CNTNAP3: variants seen among roughly 807,000 people sequenced by gnomAD.
CNTNAP3 encodes the protein contactin-associated protein-like 3.
In CNTNAP3, 36 loss-of-function variants were observed where a neutral mutation model predicts 92.1. The ratio of observed to expected loss-of-function variants is 0.39; its 90% confidence interval spans 0.30 to 0.52. CNTNAP3 has a LOEUF of 0.52. CNTNAP3 is among the 20% of genes least tolerant of loss of function. The probability of loss-of-function intolerance (pLI) is 0.76; values close to 1 mark genes in which losing one functional copy is unlikely to be tolerated. For missense variants in CNTNAP3, 534 were observed against 1,069.6 expected (o/e 0.50, Z 6.98); for synonymous variants, 232 against 422.3 (o/e 0.55, Z 5.53).
At chr9:39,083,612 T>C (rs1229175009) in intron 21 of CNTNAP3, among the ~76,000 whole-genome samples, 1 of 146,150 alleles carries the variant, frequency 6.8e-6, no homozygotes, top group African/African-American at 2.5e-5. Context: ...TGAGCCGAGA[T>C]TGCGCCACTG....
At chr9:39,139,639 CAG>C (rs1821523249) in intron 12 of CNTNAP3, 1 of 152,032 alleles carries the variant, frequency 6.6e-6, no homozygotes, top group Non-Finnish European at 1.5e-5. Flanking sequence ...TTCCACTTTG[CAG>C]AGAGTTGGAA....
chr9:39,094,533 G>A lies in CNTNAP3; in HGVS notation c.2995+5378C>T, dbSNP rs1390005460. ...CTTTGATTCATTTTGAGTTAATTTTGGTAAGGGTCTAACTTCAATCTTTGC... is the reference window on the plus strand; with the variant it reads ...CTTTGATTCATTTTGAGTTAATTTTAGTAAGGGTCTAACTTCAATCTTTGC... On this transcript the variant is annotated intron_variant, in intron 18 of 23. Transcript: ENST00000297668. 3.3e-5 allele frequency among the ~76,000 whole-genome samples: 5 copies of A among 151,038 alleles called. No individual in the cohort carries two copies. In the East Asian group the frequency reaches 9.7e-4, roughly 29 times the overall value.
At position 39,127,187 on chromosome 9, in the gene CNTNAP3, G is replaced by A. The variant is rs1196683559; in HGVS notation, c.2080+5745C>T. Among the ~76,000 whole-genome samples the A allele has an allele frequency of 1.1e-4, 17 of 151,848 alleles. No individual in the cohort carries two copies. In the South Asian group the frequency reaches 3.1e-3, roughly 28 times the overall value. ...TACAGGTCAAAGAATATGCTTCAAA[G>A]AAATTTATTAAAATACTTAAATGAA... is the stretch of plus-strand genomic sequence containing the variant. On this transcript the variant is annotated intron_variant, in intron 13 of 23. Transcript: ENST00000297668.
chr9:39,078,667 C>A (rs200150430), intron 22 of CNTNAP3, 23 bp downstream of exon 22: 5 of 1,547,950 alleles, frequency 3.2e-6, no homozygotes, highest in Non-Finnish European at 4.4e-6. Context: ...GTTTCAGGTG[C>A]GCAGGGGTGG....
At chr9:39,124,654 CA>C (rs1227593461) in intron 13 of CNTNAP3, among the ~76,000 whole-genome samples, 4 of 151,982 alleles carry the variant, frequency 2.6e-5, no homozygotes, top group Admixed American at 1.3e-4. Context: ...AGAACTTAAA[CA>C]AATTTACAAG....
chr9:39,090,917 C>T (rs1452001666), intron 18 of CNTNAP3, among the ~76,000 whole-genome samples: 2 of 152,148 alleles, frequency 1.3e-5, no homozygotes, highest in Non-Finnish European at 2.9e-5. Flanking sequence ...AAATGTATTG[C>T]TATGTATGTT....
chr9:39,106,762 G>A (rs954605813), intron 15 of CNTNAP3, among the ~76,000 whole-genome samples: 2 of 152,098 alleles, frequency 1.3e-5, no homozygotes, highest in African/African-American at 4.8e-5. Flanking sequence ...CTAGAAACCA[G>A]TGTTTGATGT....
chr9:39,093,745 T>C (rs1442618108), intron 18 of CNTNAP3, among the ~76,000 whole-genome samples: 2 of 151,602 alleles, frequency 1.3e-5, no homozygotes, highest in Non-Finnish European at 3.0e-5. Context: ...ATGTATATAC[T>C]ACATTTTTTA....
intron 19 of CNTNAP3, among the ~76,000 whole-genome samples, chr9:39,087,256 G>A (rs1056961273): frequency 6.6e-6 from 1 of 152,142 alleles, no homozygotes; most frequent in East Asian, 1.9e-4. Context: ...TTCTAATAAG[G>A]CTCATTTTAA....
intron 23 of CNTNAP3, among the ~76,000 whole-genome samples, chr9:39,077,030 T>C (rs1825795019): frequency 6.6e-6 from 1 of 152,302 alleles, no homozygotes. Flanking sequence ...GCACCAGCTC[T>C]AAATAAATTA....
chr9:39,122,299 G>T (rs1471266777), intron 13 of CNTNAP3, among the ~76,000 whole-genome samples: 1 of 152,260 alleles, frequency 6.6e-6, no homozygotes, highest in Non-Finnish European at 1.5e-5. Flanking sequence ...AGCTTGCAGT[G>T]AGCTGAGATG....
chr9:39,132,994 G>C lies in CNTNAP3; in HGVS notation c.2018C>G (p.Ala673Gly). ...AGCCAGCCGCTGCTCGCAGCGCTCCGCCAGGTTCACCGCGGACCGCAGCTG... is the reference window on the plus strand; with the variant it reads ...AGCCAGCCGCTGCTCGCAGCGCTCCCCCAGGTTCACCGCGGACCGCAGCTG... ...AGQLRSAVNLAERCEQRLALR... is the reference protein window; with the variant it reads ...AGQLRSAVNLGERCEQRLALR... The change falls in exon 13 of 24, where the codon GCG becomes GGG. Residue 673 changes from alanine to glycine, a missense_variant. Physicochemically the swap from Ala to Gly is moderately conservative, Grantham distance 60 (BLOSUM62 0). Transcript: ENST00000297668. 6.5e-7 allele frequency: 1 copy of C among 1,540,378 alleles called. No homozygotes were observed. Among genetic ancestry groups the C allele is most frequent in the African/African-American group, 1.4e-5 (1 of 72,660 alleles).
chr9:39,106,676 G>T (rs1231871042), intron 15 of CNTNAP3: 1 of 152,140 alleles, frequency 6.6e-6, no homozygotes, highest in African/African-American at 2.4e-5. Flanking sequence ...AGCCACGTTT[G>T]GAGAGAAATG....
rs1338334809 is a variant in CNTNAP3 at position 39,067,225 on chromosome 9, T to C, written c.*6665A>G. On this transcript the variant is annotated 3_prime_UTR_variant, in exon 24 of 24. Transcript: ENST00000297668. The stretch of plus-strand genomic sequence containing the variant: ...AAAGCCTTTTCTTGTCACATCCTAA[T>C]CTTTGAAAATACGGAATATAGTCAT... 2.0e-5 allele frequency among the ~76,000 whole-genome samples: 3 copies of C among 152,296 alleles called. No homozygotes were observed. The South Asian group carries it at 6.2e-4, about 32-fold the overall frequency.
chr9:39,142,681 A>C (rs1469694747), intron 11 of CNTNAP3, among the ~76,000 whole-genome samples: 4 of 151,996 alleles, frequency 2.6e-5, no homozygotes, highest in Non-Finnish European at 5.9e-5. Context: ...CAAAAAAAAA[A>C]AAAAAAGAAA....
At chr9:39,140,948 T>C (rs1193749091) in intron 11 of CNTNAP3, among the ~76,000 whole-genome samples, 1 of 152,202 alleles carries the variant, frequency 6.6e-6, no homozygotes, top group Non-Finnish European at 1.5e-5. Flanking sequence ...ATTGTGTTGG[T>C]GTTCAAACAT....
intron 15 of CNTNAP3, among the ~76,000 whole-genome samples, chr9:39,108,610 C>T (rs572333700): frequency 4.6e-5 from 7 of 152,208 alleles, no homozygotes; most frequent in Non-Finnish European, 7.4e-5. Context: ...TTGTGGTTCC[C>T]GTGCTACGCA....
Position 39,094,661 on chromosome 9 carries a change from C to T in CNTNAP3, c.2995+5250G>A, listed in dbSNP as rs1758514. 1.5e-3 allele frequency among the ~76,000 whole-genome samples: 224 copies of T among 151,476 alleles called. 4 individuals are homozygous for T. In the East Asian group the frequency reaches 0.031, roughly 21 times the overall value. ...GTTAAACATCAATTGACTGTATGTA[C>T]GTAGGTTTATTTCTGGCCTCTCAGC... On this transcript the variant is annotated intron_variant, in intron 18 of 23. Transcript: ENST00000297668.
At chr9:39,122,573 C>T (rs62570005) in intron 13 of CNTNAP3, among the ~76,000 whole-genome samples, 16,159 of 151,630 alleles carry the variant, frequency 0.11, 220 homozygotes, top group Admixed American at 0.14. Flanking sequence ...GAAATTTTGG[C>T]CTCTGACACC....
Sources: gnomAD v4.1 joint callset for allele counts (sites outside exome capture counted in the v4.1 genomes callset) on GRCh38, gnomAD v4.1.1 for gene constraint, MANE v1.5 for transcripts, NCBI Gene and HGNC (gene_info 2026-07-23, HGNC 2026-07-21) for gene names.